Variants in TJP1 observed in about 807,000 individuals in gnomAD.
TJP1 encodes tight junction protein ZO-1.
In TJP1, 43 loss-of-function variants were observed where a neutral mutation model predicts 194.2. That is an observed-to-expected ratio of 0.22 (90% CI 0.17 to 0.29). The LOEUF (loss-of-function observed/expected upper bound fraction) is 0.29. Ranked by LOEUF, TJP1 falls within the 10% of genes least tolerant of loss-of-function variation. TJP1 has a pLI of 1.00. For synonymous variants in TJP1, 801 were observed against 779.0 expected, an observed-to-expected ratio of 1.03 and a Z score of -0.47; for missense variants, 1,971 against 2,185.7, an observed-to-expected ratio of 0.90 and a Z score of 1.96.
intron 4 of TJP1, among the ~76,000 whole-genome samples, chr15:29,769,624 C>T (rs2046528693): frequency 6.6e-6 from 1 of 152,112 alleles, no homozygotes; most frequent in Non-Finnish European, 1.5e-5. Flanking sequence ...CCATGTAAAA[C>T]AACGGACAGC....
At chr15:29,739,680 G>C (rs1348407906) in intron 10 of TJP1, among the ~76,000 whole-genome samples, 2 of 151,982 alleles carry the variant, frequency 1.3e-5, no homozygotes, top group African/African-American at 4.8e-5. Flanking sequence ...CTCCTGACCT[G>C]GTGATCTGCC....
chr15:29,741,516 C>T (rs1006314294), intron 9 of TJP1, 80 bp from the exon 10 acceptor site: 1 of 921,890 alleles, frequency 1.1e-6, no homozygotes, highest in Non-Finnish European at 1.7e-6. Flanking sequence ...ATATATGATT[C>T]ATAAGTTCAG....
At chr15:29,814,102 TG>T (rs1453518601) in intron 1 of TJP1, among the ~76,000 whole-genome samples, 1 of 152,204 alleles carries the variant, frequency 6.6e-6, no homozygotes, top group Non-Finnish European at 1.5e-5. Context: ...CTTACATCAA[TG>T]TATCCAGATT....
upstream of TJP1, among the ~76,000 whole-genome samples, chr15:29,824,901 G>C (rs1479475744): frequency 6.6e-6 from 1 of 151,962 alleles, no homozygotes; most frequent in Non-Finnish European, 1.5e-5. Context: ...CTTTGCCATG[G>C]TTTAAAAAAT....
intron 2 of TJP1, among the ~76,000 whole-genome samples, chr15:29,773,788 TATTA>T (rs1451024034): frequency 6.6e-6 from 1 of 152,202 alleles, no homozygotes; most frequent in Non-Finnish European, 1.5e-5. Context: ...GAAAATCAAG[TATTA>T]GTTATTTCAA....
At chr15:29,785,873 G>A (rs942143120) in intron 2 of TJP1, among the ~76,000 whole-genome samples, 3 of 152,184 alleles carry the variant, frequency 2.0e-5, no homozygotes, top group Non-Finnish European at 4.4e-5. Flanking sequence ...GAAGTCAGCA[G>A]GCCTGGGTCC....
In TJP1 at chr15:29,718,257, C is replaced by T; in HGVS notation, c.3876+9G>A. The T allele has an allele frequency of 6.2e-7, 1 of 1,609,852 alleles. No homozygotes were observed. The highest frequency in any genetic ancestry group is 1.1e-5 in the South Asian group (1 of 90,208). On this transcript the variant is annotated intron_variant, in intron 21 of 27. Transcript: ENST00000614355. The stretch of plus-strand genomic sequence containing the variant: ...GCCCATGCATCCAAGGCACTAAAGA[C>T]ATATTTACCTTAAAACTGCCAGTGT...
chr15:29,859,709 A>G (rs1180140462), intron 2 of TJP1, among the ~76,000 whole-genome samples: 2 of 152,192 alleles, frequency 1.3e-5, no homozygotes, highest in Non-Finnish European at 2.9e-5. Context: ...CCTCTCCATC[A>G]CAGGTAGCTT....
At chr15:29,748,141 A>G (rs1301556110) in intron 8 of TJP1, among the ~76,000 whole-genome samples, 1 of 152,224 alleles carries the variant, frequency 6.6e-6, no homozygotes. Context: ...TCTAGAATCC[A>G]TGTTAAATAA....
chr15:29,806,648 A>G (rs2151920860), intron 1 of TJP1, among the ~76,000 whole-genome samples: 1 of 152,248 alleles, frequency 6.6e-6, no homozygotes, highest in East Asian at 1.9e-4. Flanking sequence ...AAGATCATCT[A>G]TGGAGATGAG....
rs1402983843 is a variant in TJP1, at chr15:29,768,805, C to T, written c.313-2263G>A. On this transcript the variant is annotated intron_variant, in intron 4 of 27. Coordinates refer to ENST00000614355, the MANE Select transcript of TJP1 (RefSeq NM_001330239.4). ...GTGTGACAACTATGCTCGATTTTAA[C>T]ACTATGAAAAATTTGGAATCAAAAT... 2.6e-5 allele frequency among the ~76,000 whole-genome samples: 4 copies of T among 151,978 alleles called. No individual in the cohort carries two copies. The East Asian group carries it at 7.7e-4, about 29-fold the overall frequency.
chr15:29,708,189 CTT>C (rs1425139849), intron 25 of TJP1, among the ~76,000 whole-genome samples: 2 of 127,662 alleles, frequency 1.6e-5, no homozygotes, highest in African/African-American at 3.2e-5. Context: ...GAGGGAGACT[CTT>C]GTCTCAAAAA....
At chr15:29,771,365 G>A (rs990885481) in intron 4 of TJP1, among the ~76,000 whole-genome samples, 1 of 152,150 alleles carries the variant, frequency 6.6e-6, no homozygotes, top group Non-Finnish European at 1.5e-5. Flanking sequence ...TGGTAACTAT[G>A]TGTGTATCTA....
chr15:29,822,968 G>A (rs1681907540), upstream of TJP1: 3 of 152,238 alleles, frequency 2.0e-5, no homozygotes, highest in Admixed American at 6.5e-5. Flanking sequence ...CATCTCCGAG[G>A]AGCTCCGGCA....
intron 2 of TJP1, among the ~76,000 whole-genome samples, chr15:29,860,481 A>T (rs2052035563): frequency 6.6e-6 from 1 of 152,150 alleles, no homozygotes; most frequent in Non-Finnish European, 1.5e-5. Flanking sequence ...TGTTTCTACA[A>T]ATTTGCTCAT....
intron 27 of TJP1, 110 bp downstream of exon 27, chr15:29,704,051 AG>A: frequency 8.4e-7 from 1 of 1,194,130 alleles, no homozygotes; most frequent in African/African-American, 1.5e-5. Context: ...ACAAGGCCAC[AG>A]GAACAGAGAT....
chr15:29,771,889 A>G (rs2046710547), intron 4 of TJP1, among the ~76,000 whole-genome samples, 175 bp downstream of exon 4: 1 of 152,204 alleles, frequency 6.6e-6, no homozygotes, highest in Non-Finnish European at 1.5e-5. Flanking sequence ...CTGAGAAAAT[A>G]CACGTACCAG....
intron 1 of TJP1, among the ~76,000 whole-genome samples, chr15:29,801,189 A>T (rs2048757710): frequency 6.6e-6 from 1 of 152,216 alleles, no homozygotes. Flanking sequence ...CGTCACAAAC[A>T]TGACTACTCT....
At chr15:29,781,360 C>A (rs986116981) in intron 2 of TJP1, among the ~76,000 whole-genome samples, 1 of 152,062 alleles carries the variant, frequency 6.6e-6, no homozygotes, top group Non-Finnish European at 1.5e-5. Flanking sequence ...AACCCCAGGA[C>A]CAAATGAATT....
Sources: allele counts gnomAD v4.1 joint callset (sites outside exome capture counted in the v4.1 genomes callset), GRCh38; gene constraint gnomAD v4.1.1; transcripts MANE v1.5; gene names NCBI Gene and HGNC (gene_info 2026-07-23, HGNC 2026-07-21).